GRIK3: variants seen among roughly 807,000 people sequenced by gnomAD.
GRIK3 encodes the protein glutamate receptor ionotropic, kainate 3.
Under a neutral mutation model 102.5 loss-of-function variants are expected in GRIK3, and 29 were observed. That is an observed-to-expected ratio of 0.28 (90% confidence interval 0.21 to 0.39). GRIK3 has a LOEUF of 0.39. GRIK3 is among the 10% of genes least tolerant of loss of function. The probability of loss-of-function intolerance (pLI) is 1.00; values close to 1 mark genes in which losing one functional copy is unlikely to be tolerated. For synonymous variants in GRIK3, 511 were observed against 504.9 expected (o/e 1.01, Z -0.16); for missense variants, 908 against 1,252.4 (o/e 0.73, Z 4.15).
intron 11 of GRIK3, among the ~76,000 whole-genome samples, 200 bp downstream of exon 11, chr1:36,825,403 C>T (rs888001376): frequency 1.3e-5 from 2 of 151,812 alleles, no homozygotes; most frequent in African/African-American, 2.4e-5. Flanking sequence ...GTGATTCAAG[C>T]GTGGGGGTGG....
rs368732268 is a variant in GRIK3 at position 36,841,802 on chromosome 1, G to A, written c.1464C>T (p.Asp488=). ...TGTCATCCTGTGCCCCGTACTTGCC[G>A]TCCTCCACCAGCCGGATCTCATAGG... The part of the protein sequence containing the change: ...GFSYEIRLVE[D]GKYGAQDDKG... The change falls in exon 10 of 16, where the codon GAC becomes GAT. Residue 488 remains aspartate (D), a synonymous_variant. Transcript: ENST00000373091. 8.7e-5 allele frequency: 140 copies of A among 1,614,012 alleles called. 1 individual carries two copies. Among genetic ancestry groups the A allele is most frequent in the Non-Finnish European group, 1.1e-4 (130 of 1,179,996 alleles).
chr1:36,979,494 C>T (rs1028592571), intron 1 of GRIK3, among the ~76,000 whole-genome samples: 1 of 152,238 alleles, frequency 6.6e-6, no homozygotes, highest in Non-Finnish European at 1.5e-5. Flanking sequence ...TATCTGCACC[C>T]TTTCCAAGGG....
At chr1:36,861,631 T>C (rs571332727) in intron 5 of GRIK3, among the ~76,000 whole-genome samples, 40 of 152,358 alleles carry the variant, frequency 2.6e-4, no homozygotes, top group African/African-American at 9.4e-4. Context: ...CTCTGGTCTC[T>C]GAGATGTCTC....
At chr1:36,894,761 C>T (rs1641154214) in intron 1 of GRIK3, among the ~76,000 whole-genome samples, 1 of 152,226 alleles carries the variant, frequency 6.6e-6, no homozygotes, top group African/African-American at 2.4e-5. Context: ...GAGGCCTTCA[C>T]TGGGCCCCCA....
At chr1:36,910,738 T>C (rs771778253) in intron 1 of GRIK3, among the ~76,000 whole-genome samples, 3 of 152,236 alleles carry the variant, frequency 2.0e-5, no homozygotes, top group Non-Finnish European at 4.4e-5. Context: ...CATTCAGTTC[T>C]TCATTCATTC....
At chr1:36,969,190 A>C (rs978649106) in intron 1 of GRIK3, among the ~76,000 whole-genome samples, 3 of 152,154 alleles carry the variant, frequency 2.0e-5, no homozygotes, top group Non-Finnish European at 4.4e-5. Context: ...GCAGGGCCCC[A>C]CCAATGGCAG....
chr1:36,815,268 C>T (rs1325125483), intron 13 of GRIK3, among the ~76,000 whole-genome samples: 1 of 152,332 alleles, frequency 6.6e-6, no homozygotes, highest in African/African-American at 2.4e-5. Flanking sequence ...TGTCTCTTCA[C>T]TACAAAGCTG....
intron 1 of GRIK3, among the ~76,000 whole-genome samples, chr1:37,022,549 G>C (rs1288485035): frequency 6.6e-6 from 1 of 152,188 alleles, no homozygotes; most frequent in Admixed American, 6.5e-5. Flanking sequence ...TTCCAGCTCT[G>C]CCCAAAAGAC....
At chr1:36,895,433 G>GAA (rs60805545) in intron 1 of GRIK3, among the ~76,000 whole-genome samples, 2 of 146,582 alleles carry the variant, frequency 1.4e-5, no homozygotes, top group South Asian at 2.1e-4. Context: ...GGAATTCTAA[G>GAA]AAAAAAAAAA....
chr1:36,979,329 G>A (rs552187616), intron 1 of GRIK3, among the ~76,000 whole-genome samples: 1 of 152,374 alleles, frequency 6.6e-6, no homozygotes, highest in East Asian at 1.9e-4. Flanking sequence ...CCTGTGGTTG[G>A]GGATTGGTGT....
At chr1:36,903,209 C>A (rs1641250174) in intron 1 of GRIK3, among the ~76,000 whole-genome samples, 1 of 152,078 alleles carries the variant, frequency 6.6e-6, no homozygotes, top group South Asian at 2.1e-4. Flanking sequence ...GGAAAATAAG[C>A]ATATGAAGAT....
chr1:36,885,086 T>A (rs2124267422), intron 2 of GRIK3, among the ~76,000 whole-genome samples: 2 of 152,356 alleles, frequency 1.3e-5, no homozygotes, highest in South Asian at 4.1e-4. Context: ...AGGCTGCCAA[T>A]GATGATAATG....
rs60157852 is a variant in GRIK3 at position 36,949,574 on chromosome 1, C to CTTTTTTTTTT, written c.116-58488_116-58479dup. ...TTTTTTTCTTTCTCTCTCTCTCTTT[C>CTTTTTTTTTT]TTTTTTTTTTTTTTTTTTTTTTTGA... is the stretch of plus-strand genomic sequence containing the variant. On this transcript the variant is annotated intron_variant, in intron 1 of 15. Coordinates refer to ENST00000373091, the MANE Select transcript of GRIK3 (RefSeq NM_000831.4). Among the ~76,000 whole-genome samples, 96 of 99,686 alleles carry CTTTTTTTTTT rather than the reference C, an allele frequency of 9.6e-4. 1 individual carries two copies. Among genetic ancestry groups the CTTTTTTTTTT allele is most frequent in the African/African-American group, 1.7e-3 (43 of 25,436 alleles). 65.4% of individuals were successfully genotyped at this position (99,686 alleles called of 152,430 possible). A position where few individuals can be genotyped will look rare whatever the true frequency, so the allele number is the denominator to read the frequency against.
chr1:36,876,004 T>C (rs1640909413), intron 3 of GRIK3, among the ~76,000 whole-genome samples: 1 of 152,196 alleles, frequency 6.6e-6, no homozygotes, highest in Non-Finnish European at 1.5e-5. Flanking sequence ...ATGGACCCAG[T>C]GAGCTATACA....
intron 1 of GRIK3, among the ~76,000 whole-genome samples, chr1:36,903,858 T>C (rs543403491): frequency 6.6e-6 from 1 of 152,248 alleles, no homozygotes; most frequent in Admixed American, 6.5e-5. Context: ...TTTAGGGCAG[T>C]CAAATGATTC....
chr1:36,886,385 C>A (rs1641037467), intron 2 of GRIK3, among the ~76,000 whole-genome samples: 1 of 152,148 alleles, frequency 6.6e-6, no homozygotes, highest in Non-Finnish European at 1.5e-5. Context: ...AGAATTTGCC[C>A]CAAGCCCCAG....
intron 10 of GRIK3, among the ~76,000 whole-genome samples, chr1:36,832,591 C>T (rs1433688965): frequency 2.0e-5 from 3 of 152,342 alleles, no homozygotes; most frequent in South Asian, 2.1e-4. Context: ...GATTCATTCA[C>T]CAGCTTCCTG....
chr1:36,841,973 C>A, intron 9 of GRIK3, 34 bp from the exon 10 acceptor site: 1 of 1,569,292 alleles, frequency 6.4e-7, no homozygotes, highest in Non-Finnish European at 8.8e-7. Context: ...GTGACGAAGA[C>A]TGAGCAGCTA....
intron 10 of GRIK3, among the ~76,000 whole-genome samples, chr1:36,838,169 T>C (rs1640403521): frequency 6.6e-6 from 1 of 152,236 alleles, no homozygotes; most frequent in African/African-American, 2.4e-5. Context: ...GTGCCATATC[T>C]CATTAAATCT....
Sources: allele counts gnomAD v4.1 joint callset (sites outside exome capture counted in the v4.1 genomes callset), GRCh38; gene constraint gnomAD v4.1.1; transcripts MANE v1.5; gene names NCBI Gene and HGNC (gene_info 2026-07-23, HGNC 2026-07-21).